Variants in CACNA1D observed in about 807,000 individuals in gnomAD.
CACNA1D encodes calcium voltage-gated channel subunit alpha1 D.
A neutral mutation model predicts 257.1 loss-of-function variants in CACNA1D; 55 were observed. The observed-to-expected ratio is 0.21, with a 90% confidence interval of 0.17 to 0.27. CACNA1D has a LOEUF of 0.27. Ranked by LOEUF, CACNA1D falls within the 10% of genes least tolerant of loss-of-function variation. CACNA1D has a pLI of 1.00. For missense variants in CACNA1D, 1,876 were observed against 2,784.0 expected, an observed-to-expected ratio of 0.67 and a Z score of 7.34; for synonymous variants, 980 against 1,014.9, an observed-to-expected ratio of 0.97 and a Z score of 0.65.
intron 3 of CACNA1D, among the ~76,000 whole-genome samples, chr3:53,593,065 A>G (rs561575147): frequency 3.3e-5 from 5 of 152,274 alleles, no homozygotes; most frequent in Non-Finnish European, 5.9e-5. Context: ...TACAATAATT[A>G]ACATATTCAC....
rs1242776305 is a variant in CACNA1D at position 53,780,435 on chromosome 3, A to G, written c.4690+307A>G. 2.6e-5 allele frequency among the ~76,000 whole-genome samples: 4 copies of G among 152,210 alleles called. No homozygotes were observed. In the East Asian group the frequency reaches 7.7e-4, roughly 29 times the overall value. On this transcript the variant is annotated intron_variant, in intron 38 of 47. Transcript: ENST00000350061. Reference sequence around the variant, plus strand: ...AGCAGAGACGAAGCCATCACAAATGAACTCACTCCAACCATCCCTAACTAG... The same window carrying G: ...AGCAGAGACGAAGCCATCACAAATGGACTCACTCCAACCATCCCTAACTAG...
In CACNA1D at chr3:53,805,082, C is replaced by CTCCA; in HGVS notation, c.5687_5688insCATC (p.Pro1897IlefsTer6). The CTCCA allele has an allele frequency of 6.2e-7, 1 of 1,614,136 alleles. No homozygotes were observed. The highest frequency in any genetic ancestry group is 8.5e-7 in the Non-Finnish European group (1 of 1,180,012). On this transcript the variant is annotated frameshift_variant, in exon 45 of 48. Coordinates refer to ENST00000350061, the MANE Select transcript of CACNA1D (RefSeq NM_001128840.3). LOFTEE classifies it high-confidence loss of function. Reference sequence around the variant, plus strand: ...CCCAAGGATTCTTGGAGGACGATGACTCGCCCGTTTGCTATGATTCACGGA... The same window carrying CTCCA: ...CCCAAGGATTCTTGGAGGACGATGACTCCATCGCCCGTTTGCTATGATTCACGGA...
chr3:53,795,587 GTAAGCTCACAATGACTGGTA>G (rs1279637170), intron 40 of CACNA1D, among the ~76,000 whole-genome samples: 3 of 152,210 alleles, frequency 2.0e-5, no homozygotes, highest in Non-Finnish European at 2.9e-5. Context: ...ATATTTGTAT[GTAAGCTCACAATGACTGGTA>G]TAAAGATGCT....
intron 3 of CACNA1D, among the ~76,000 whole-genome samples, chr3:53,521,659 AC>A (rs2091581719): frequency 6.6e-6 from 1 of 151,976 alleles, no homozygotes; most frequent in Non-Finnish European, 1.5e-5. Context: ...TCTGAAGCAC[AC>A]AGTTCATTTG....
At chr3:53,583,799 A>G (rs2093170022) in intron 3 of CACNA1D, among the ~76,000 whole-genome samples, 1 of 148,282 alleles carries the variant, frequency 6.7e-6, no homozygotes, top group South Asian at 2.1e-4. Flanking sequence ...CTGGAATGAC[A>G]GAGCCATTTG....
intron 3 of CACNA1D, among the ~76,000 whole-genome samples, chr3:53,584,845 T>A (rs2093187379): frequency 1.3e-5 from 2 of 151,700 alleles, no homozygotes; most frequent in African/African-American, 4.8e-5. Context: ...GCTGCACAGA[T>A]GACTCTATTA....
chr3:53,710,913 G>A (rs1385411752), intron 9 of CACNA1D, among the ~76,000 whole-genome samples: 1 of 152,076 alleles, frequency 6.6e-6, no homozygotes, highest in Non-Finnish European at 1.5e-5. Flanking sequence ...CCAGGACTAT[G>A]CCAAAGCTAG....
At position 53,749,475 on chromosome 3, in the gene CACNA1D, A is replaced by G. The variant is rs1328321183; in HGVS notation, c.3516+6A>G. 4.4e-6 allele frequency: 7 copies of G among 1,602,116 alleles called. No individual in the cohort carries two copies. Among genetic ancestry groups the G allele is most frequent in the Admixed American group, 1.7e-5 (1 of 60,014 alleles). On this transcript the variant is annotated splice_donor_region_variant and intron_variant, in intron 27 of 47. Transcript: ENST00000350061. The stretch of plus-strand genomic sequence containing the variant: ...GTGAGCTGGACAAAAATCAGGTTAA[A>G]GTCACACACTGTTTTGGCTTCTGTC...
At chr3:53,659,044 G>A (rs979876463) in intron 4 of CACNA1D, among the ~76,000 whole-genome samples, 1 of 152,162 alleles carries the variant, frequency 6.6e-6, no homozygotes, top group Non-Finnish European at 1.5e-5. Context: ...ATTAAACTTT[G>A]GACACCTTTT....
intron 12 of CACNA1D, among the ~76,000 whole-genome samples, chr3:53,722,843 C>T (rs184388290): frequency 3.7e-4 from 56 of 152,266 alleles, no homozygotes; most frequent in African/African-American, 1.3e-3. Context: ...TTTGAATGCT[C>T]CAGCACTGGG....
chr3:53,714,131 C>G (rs556826253), intron 9 of CACNA1D, among the ~76,000 whole-genome samples: 226 of 152,306 alleles, frequency 1.5e-3, no homozygotes, highest in African/African-American at 5.1e-3. Flanking sequence ...ATAAACTTCT[C>G]TAACAAAGCT....
intron 4 of CACNA1D, among the ~76,000 whole-genome samples, chr3:53,652,202 C>T (rs759130961): frequency 2.6e-5 from 4 of 152,134 alleles, no homozygotes; most frequent in Non-Finnish European, 5.9e-5. Context: ...CCTCTTCTGC[C>T]ACTGGACTTT....
chr3:53,704,388 C>A (rs2094662557), intron 9 of CACNA1D, among the ~76,000 whole-genome samples: 1 of 152,070 alleles, frequency 6.6e-6, no homozygotes, highest in Non-Finnish European at 1.5e-5. Context: ...CAGGAAGGGG[C>A]CAGGACTTTA....
At chr3:53,565,752 A>G (rs1243379982) in intron 3 of CACNA1D, among the ~76,000 whole-genome samples, 3 of 152,242 alleles carry the variant, frequency 2.0e-5, no homozygotes, top group Admixed American at 6.5e-5. Context: ...AAGTTGCCTT[A>G]TTTATCAAGT....
intron 8 of CACNA1D, among the ~76,000 whole-genome samples, chr3:53,699,333 G>C (rs764294911): frequency 1.8e-4 from 28 of 152,200 alleles, no homozygotes; most frequent in Non-Finnish European, 3.7e-4. Context: ...TTTGCCTTTT[G>C]AATGTCTCTC....
intron 7 of CACNA1D, among the ~76,000 whole-genome samples, chr3:53,672,755 A>ACT (rs1280325699): frequency 1.4e-5 from 1 of 70,632 alleles, no homozygotes; most frequent in Non-Finnish European, 2.9e-5. Flanking sequence ...AGCCTTGATG[A>ACT]CTCTGTGTGT....
intron 30 of CACNA1D, 128 bp downstream of exon 30, chr3:53,762,209 G>A (rs2108950286): frequency 1.4e-6 from 1 of 737,146 alleles, no homozygotes; most frequent in South Asian, 1.4e-5. Flanking sequence ...CTGAAACTAG[G>A]ATTTCCTAAT....
chr3:53,630,153 C>A (rs1383280546), intron 3 of CACNA1D, among the ~76,000 whole-genome samples: 1 of 152,224 alleles, frequency 6.6e-6, no homozygotes, highest in Non-Finnish European at 1.5e-5. Flanking sequence ...ATTTGCCAAT[C>A]TGATGAAGTA....
At chr3:53,803,341 G>A in intron 43 of CACNA1D, 82 bp from the exon 44 acceptor site, 1 of 1,535,588 alleles carries the variant, frequency 6.5e-7, no homozygotes, top group Non-Finnish European at 9.0e-7. Context: ...GGGCAGGGTT[G>A]CCGGCCACAG....
Sources: gnomAD v4.1 joint callset for allele counts (sites outside exome capture counted in the v4.1 genomes callset) on GRCh38, gnomAD v4.1.1 for gene constraint, MANE v1.5 for transcripts, NCBI Gene and HGNC (gene_info 2026-07-23, HGNC 2026-07-21) for gene names.